The following PARVA variants were observed in gnomAD, a reference collection of about 807,000 sequenced individuals.
The protein encoded by PARVA is parvin alpha, also known as alpha-parvin.
In PARVA, 25 loss-of-function variants were observed where a neutral mutation model predicts 52.6. The ratio of observed to expected loss-of-function variants is 0.48; its 90% CI spans 0.35 to 0.66. The LOEUF is 0.66. Ranked by LOEUF, PARVA falls within the 30% of genes least tolerant of loss-of-function variation. The pLI is 0.01. For missense variants in PARVA, 373 were observed against 450.9 expected (o/e 0.83, Z 1.56); for synonymous variants, 185 against 179.1 (o/e 1.03, Z -0.26).
intron 12 of PARVA, among the ~76,000 whole-genome samples, chr11:12,523,414 C>T (rs1389060515): frequency 6.6e-6 from 1 of 152,182 alleles, no homozygotes; most frequent in Non-Finnish European, 1.5e-5. Context: ...TGGGGGAAGG[C>T]TTCGGAGAAG....
In PARVA at chr11:12,533,143, AC is replaced by A. The variant is rs1201752282; in HGVS notation, c.*5223del. ...GCTGATGGACAGGAACTCCTGGACTACCCCCAGCCTCTCCACAATGTGTCCT... is the reference window on the plus strand; with the variant it reads ...GCTGATGGACAGGAACTCCTGGACTACCCCAGCCTCTCCACAATGTGTCCT... On this transcript the variant is annotated 3_prime_UTR_variant, in exon 13 of 13. Transcript: ENST00000334956. 1.3e-5 allele frequency among the ~76,000 whole-genome samples: 2 copies of A among 152,078 alleles called. No homozygotes were observed. The highest frequency in any genetic ancestry group is 2.9e-5 in the Non-Finnish European group (2 of 68,002).
At chr11:12,446,327 C>T (rs537637106) in intron 1 of PARVA, among the ~76,000 whole-genome samples, 1 of 152,222 alleles carries the variant, frequency 6.6e-6, no homozygotes, top group South Asian at 2.1e-4. Context: ...CTCCCACCTA[C>T]TACAATATCA....
intron 4 of PARVA, 91 bp from the exon 5 acceptor site, chr11:12,496,367 C>T: frequency 7.4e-7 from 1 of 1,344,548 alleles, no homozygotes; most frequent in Non-Finnish European, 1.0e-6. Flanking sequence ...TGCATGAGTG[C>T]ATGAGAGACC....
chr11:12,441,332 C>A (rs1224730931), intron 1 of PARVA, among the ~76,000 whole-genome samples: 1 of 150,592 alleles, frequency 6.6e-6, no homozygotes, highest in African/African-American at 2.4e-5. Context: ...TGCCTCTATA[C>A]TCTGGTAGAA....
intron 11 of PARVA, among the ~76,000 whole-genome samples, chr11:12,518,173 C>T (rs1206647517): frequency 1.3e-5 from 2 of 152,204 alleles, no homozygotes. Flanking sequence ...GCACTGACAC[C>T]CCCAATTTGA....
chr11:12,388,617 T>C (rs1167793971), intron 1 of PARVA, among the ~76,000 whole-genome samples: 1 of 152,202 alleles, frequency 6.6e-6, no homozygotes, highest in Non-Finnish European at 1.5e-5. Flanking sequence ...ATAAAACCGT[T>C]GTGCAAAGTT....
At chr11:12,514,534 C>G (rs551362403) in intron 10 of PARVA, among the ~76,000 whole-genome samples, 5 of 152,364 alleles carry the variant, frequency 3.3e-5, no homozygotes, top group Admixed American at 6.5e-5. Flanking sequence ...GTTGCCCAGG[C>G]TGGAGTGCAG....
intron 1 of PARVA, among the ~76,000 whole-genome samples, chr11:12,384,943 T>C (rs1464203461): frequency 6.6e-6 from 1 of 152,150 alleles, no homozygotes; most frequent in Admixed American, 6.5e-5. Context: ...AATGGCGTGA[T>C]CTCACTTCTG....
At chr11:12,440,397 C>G (rs7127270) in intron 1 of PARVA, among the ~76,000 whole-genome samples, 12,778 of 152,262 alleles carry the variant, frequency 0.084, 619 homozygotes, top group South Asian at 0.14. Flanking sequence ...GACTTCTCTC[C>G]TTCCCACTGG....
At chr11:12,462,373 G>A (rs759185300) in intron 1 of PARVA, among the ~76,000 whole-genome samples, 5 of 152,194 alleles carry the variant, frequency 3.3e-5, no homozygotes, top group African/African-American at 1.2e-4. Flanking sequence ...TTTAGAGTAT[G>A]CAGTGAGAGG....
chr11:12,503,800 C>G (rs1326608390), intron 5 of PARVA, among the ~76,000 whole-genome samples: 1 of 152,136 alleles, frequency 6.6e-6, no homozygotes, highest in Non-Finnish European at 1.5e-5. Flanking sequence ...TCCCCTGACC[C>G]TCAGGCATGG....
rs188828835 is a variant in PARVA, at chr11:12,531,899, A to G, written c.*3974A>G. 1.5e-4 allele frequency among the ~76,000 whole-genome samples: 23 copies of G among 152,198 alleles called. No individual in the cohort carries two copies. Among genetic ancestry groups the G allele is most frequent in the Admixed American group, 7.2e-4 (11 of 15,270 alleles). ...GCCTCCACACATCAGCTTCCCAAATACTTGCAGATTTGGGTCTTACCAAAA... is the reference window on the plus strand; with the variant it reads ...GCCTCCACACATCAGCTTCCCAAATGCTTGCAGATTTGGGTCTTACCAAAA... On this transcript the variant is annotated 3_prime_UTR_variant, in exon 13 of 13. Coordinates refer to ENST00000334956, the MANE Select transcript of PARVA (RefSeq NM_018222.5).
intron 1 of PARVA, among the ~76,000 whole-genome samples, chr11:12,387,315 CCTTT>C (rs1939586725): frequency 6.6e-6 from 1 of 152,150 alleles, no homozygotes. Context: ...TAGGCAGCAT[CCTTT>C]CTTTTCTGTT....
At position 12,508,581 on chromosome 11, in the gene PARVA, C is replaced by A; in HGVS notation, c.658-3C>A. On this transcript the variant is annotated splice_region_variant and splice_polypyrimidine_tract_variant and intron_variant, in intron 6 of 12. Coordinates refer to ENST00000334956, the MANE Select transcript of PARVA (RefSeq NM_018222.5). ...CCAACCCCTTTCCCCACCCCCATTT[C>A]AGAAACGAGAAGGAATCCTCCAGTC... 2 of 1,607,166 alleles carry A rather than the reference C, an allele frequency of 1.2e-6. No individual in the cohort carries two copies. Among genetic ancestry groups the A allele is most frequent in the Non-Finnish European group, 1.7e-6 (2 of 1,175,416 alleles).
chr11:12,511,641 T>C (rs1471668876), intron 8 of PARVA, 108 bp downstream of exon 8: 1 of 1,195,436 alleles, frequency 8.4e-7, no homozygotes, highest in African/African-American at 1.5e-5. Flanking sequence ...TGGATATACG[T>C]CTTCACCAGC....
At chr11:12,451,943 AAT>A (rs1359101228) in intron 1 of PARVA, among the ~76,000 whole-genome samples, 1 of 152,094 alleles carries the variant, frequency 6.6e-6, no homozygotes, top group African/African-American at 2.4e-5. Context: ...GTAGCATAGT[AAT>A]TACATCTCGG....
chr11:12,390,830 G>C (rs1331296088), intron 1 of PARVA, among the ~76,000 whole-genome samples: 7 of 152,310 alleles, frequency 4.6e-5, no homozygotes, highest in Non-Finnish European at 5.9e-5. Flanking sequence ...GAGAAGCAGG[G>C]GCAGCAGGAA....
At chr11:12,457,815 CTG>C (rs1176625779) in intron 1 of PARVA, among the ~76,000 whole-genome samples, 7 of 152,354 alleles carry the variant, frequency 4.6e-5, no homozygotes, top group Non-Finnish European at 8.8e-5. Flanking sequence ...CAATTGCAAA[CTG>C]TGGTGAGTGA....
chr11:12,422,605 T>TA (rs11437144), intron 1 of PARVA, among the ~76,000 whole-genome samples: 147,445 of 152,222 alleles, frequency 0.97, 71,582 homozygotes, highest in East Asian at 1. Flanking sequence ...GCTTATAGGG[T>TA]CATTTCCCAG....
Sources: gnomAD v4.1 joint callset for allele counts (sites outside exome capture counted in the v4.1 genomes callset) on GRCh38, gnomAD v4.1.1 for gene constraint, MANE v1.5 for transcripts, NCBI Gene and HGNC (gene_info 2026-07-23, HGNC 2026-07-21) for gene names.